Variants in PPM1H observed in about 807,000 individuals in gnomAD.
PPM1H encodes protein phosphatase, Mg2+/Mn2+ dependent 1H.
Under a neutral mutation model 54.9 loss-of-function variants are expected in PPM1H, and 27 were observed. The observed-to-expected ratio is 0.49, with a 90% CI of 0.36 to 0.68. The LOEUF (loss-of-function observed/expected upper bound fraction) is 0.68, where lower values mean the gene tolerates loss of function less well. PPM1H is among the 30% of genes least tolerant of loss of function. The pLI is 0.00. For synonymous variants in PPM1H, 305 were observed against 270.8 expected, an observed-to-expected ratio of 1.13 and a Z score of -1.24; for missense variants, 596 against 667.8, an observed-to-expected ratio of 0.89 and a Z score of 1.19.
At chr12:62,702,544 C>CAGAGAGAGAGAGAGAGAGAGAG (rs66497730) in intron 6 of PPM1H, among the ~76,000 whole-genome samples, 76 of 140,726 alleles carry the variant, frequency 5.4e-4, no homozygotes, top group African/African-American at 1.7e-3. Flanking sequence ...CCTTGAGCTA[C>CAGAGAGAGAGAGAGAGAGAGAG]AGAGAGAGAG....
chr12:62,745,262 A>G (rs952982558), intron 4 of PPM1H, among the ~76,000 whole-genome samples: 10 of 152,232 alleles, frequency 6.6e-5, no homozygotes, highest in African/African-American at 2.4e-4. Context: ...AGGCCTCACT[A>G]TGTTGCCTAG....
chr12:62,788,636 T>C (rs371604412), intron 3 of PPM1H, among the ~76,000 whole-genome samples: 3 of 152,246 alleles, frequency 2.0e-5, no homozygotes, highest in South Asian at 2.1e-4. Flanking sequence ...TCACAGCTTA[T>C]GGAAAATTTA....
At chr12:62,675,699 G>A (rs2075981513) in intron 8 of PPM1H, among the ~76,000 whole-genome samples, 1 of 152,140 alleles carries the variant, frequency 6.6e-6, no homozygotes. Context: ...CTGGTTGAGG[G>A]GTTAAGATGG....
intron 6 of PPM1H, among the ~76,000 whole-genome samples, chr12:62,702,878 C>T (rs1372512391): frequency 6.6e-6 from 1 of 152,160 alleles, no homozygotes; most frequent in Non-Finnish European, 1.5e-5. Flanking sequence ...TAAAGCACAC[C>T]AGGCTTGGGG....
At chr12:62,879,863 T>C (rs930824317) in intron 1 of PPM1H, among the ~76,000 whole-genome samples, 3 of 152,162 alleles carry the variant, frequency 2.0e-5, no homozygotes, top group Admixed American at 2.0e-4. Context: ...AATTGGAATC[T>C]CTGGGAAGTT....
chr12:62,916,565 T>C (rs748942948), intron 1 of PPM1H, among the ~76,000 whole-genome samples: 1 of 152,030 alleles, frequency 6.6e-6, no homozygotes, highest in Non-Finnish European at 1.5e-5. Context: ...CTTTGAGATA[T>C]AGTAAAAATA....
At chr12:62,825,186 G>A (rs1565800463) in intron 2 of PPM1H, among the ~76,000 whole-genome samples, 1 of 152,180 alleles carries the variant, frequency 6.6e-6, no homozygotes, top group Non-Finnish European at 1.5e-5. Flanking sequence ...GAACCACAAT[G>A]AGATACCATC....
chr12:62,838,002 G>A (rs1868555323), intron 1 of PPM1H, among the ~76,000 whole-genome samples: 2 of 152,178 alleles, frequency 1.3e-5, no homozygotes, highest in African/African-American at 4.8e-5. Context: ...GTATCCACAT[G>A]GTTCTGAACA....
At chr12:62,694,079 T>A in intron 6 of PPM1H, 80 bp from the exon 7 acceptor site, 1 of 1,294,942 alleles carries the variant, frequency 7.7e-7, no homozygotes, top group Non-Finnish European at 1.1e-6. Flanking sequence ...TGCTAGGGAT[T>A]TCATTTTCCC....
At chr12:62,805,717 T>C (rs544947430) in intron 2 of PPM1H, among the ~76,000 whole-genome samples, 4 of 152,122 alleles carry the variant, frequency 2.6e-5, no homozygotes, top group African/African-American at 9.6e-5. Context: ...GGGGAGATAA[T>C]GGTCAAAAGG....
intron 4 of PPM1H, among the ~76,000 whole-genome samples, chr12:62,761,174 T>C (rs562230204): frequency 6.6e-6 from 1 of 152,248 alleles, no homozygotes; most frequent in South Asian, 2.1e-4. Context: ...CAACAATAAA[T>C]ATTAATACTA....
intron 5 of PPM1H, among the ~76,000 whole-genome samples, chr12:62,722,150 T>C (rs569925315): frequency 6.6e-6 from 1 of 152,256 alleles, no homozygotes; most frequent in East Asian, 1.9e-4. Flanking sequence ...TTATTCTTTT[T>C]ATTTTAGTCC....
chr12:62,742,333 A>G (rs749830835), intron 4 of PPM1H, among the ~76,000 whole-genome samples: 29 of 152,186 alleles, frequency 1.9e-4, no homozygotes, highest in Admixed American at 6.5e-5. Context: ...TCGACTGCCA[A>G]CCTTCCCAGT....
intron 2 of PPM1H, among the ~76,000 whole-genome samples, chr12:62,825,691 C>T (rs1484903023): frequency 6.6e-6 from 1 of 152,058 alleles, no homozygotes; most frequent in African/African-American, 2.4e-5. Flanking sequence ...AATAAGAACA[C>T]TTGGACACAG....
At chr12:62,730,143 T>C (rs2076312495) in intron 5 of PPM1H, among the ~76,000 whole-genome samples, 2 of 152,058 alleles carry the variant, frequency 1.3e-5, no homozygotes, top group Admixed American at 6.6e-5. Flanking sequence ...GCCCCACCCC[T>C]ATCTCCCTTT....
intron 1 of PPM1H, among the ~76,000 whole-genome samples, chr12:62,876,507 T>C (rs1235484591): frequency 6.6e-6 from 1 of 152,202 alleles, no homozygotes; most frequent in Non-Finnish European, 1.5e-5. Flanking sequence ...GTAATCAAGA[T>C]GGTAAAAAGA....
intron 2 of PPM1H, among the ~76,000 whole-genome samples, chr12:62,805,805 A>G (rs969616497): frequency 3.3e-4 from 51 of 152,324 alleles, no homozygotes; most frequent in African/African-American, 1.2e-3. Flanking sequence ...GTAACACTGT[A>G]CTGTATACTT....
intron 7 of PPM1H, 96 bp downstream of exon 7, chr12:62,693,840 G>T: frequency 9.4e-7 from 1 of 1,068,372 alleles, no homozygotes; most frequent in Non-Finnish European, 1.4e-6. Flanking sequence ...AAAATCACAA[G>T]CTGCTGAGTG....
intron 1 of PPM1H, among the ~76,000 whole-genome samples, chr12:62,837,519 T>C (rs1415370210): frequency 6.6e-6 from 1 of 152,198 alleles, no homozygotes; most frequent in African/African-American, 2.4e-5. Flanking sequence ...CCATGAGGCA[T>C]TCAGCATAGT....
Sources: allele counts gnomAD v4.1 joint callset (sites outside exome capture counted in the v4.1 genomes callset), GRCh38; gene constraint gnomAD v4.1.1; transcripts MANE v1.5; gene names NCBI Gene and HGNC (gene_info 2026-07-23, HGNC 2026-07-21).